The following PCSK5 variants were observed in gnomAD, a reference collection of about 807,000 sequenced individuals.
The protein encoded by PCSK5 is proprotein convertase subtilisin/kexin type 5.
In PCSK5, 129 loss-of-function variants were observed where a neutral mutation model predicts 233.2. The observed-to-expected ratio is 0.55, with a 90% CI of 0.48 to 0.64. PCSK5 has a LOEUF of 0.64. PCSK5 is among the 30% of genes least tolerant of loss of function. The probability of loss-of-function intolerance (pLI) is 0.00; values close to 1 mark genes in which losing one functional copy is unlikely to be tolerated. For missense variants in PCSK5, 2,076 were observed against 2,430.1 expected (o/e 0.85, Z 3.06); for synonymous variants, 825 against 879.2 (o/e 0.94, Z 1.09).
intron 37 of PCSK5, among the ~76,000 whole-genome samples, chr9:76,355,953 C>T (rs1474300012): frequency 6.6e-6 from 1 of 152,140 alleles, no homozygotes; most frequent in Admixed American, 6.5e-5. Context: ...ATCTGCCCAC[C>T]TCAACCTCCC....
intron 5 of PCSK5, among the ~76,000 whole-genome samples, chr9:76,055,751 A>G (rs575983263): frequency 6.6e-5 from 10 of 152,278 alleles, no homozygotes; most frequent in African/African-American, 2.4e-4. Flanking sequence ...AGAATGATAG[A>G]AAGTCATTAT....
chr9:75,965,261 A>ATATGTGTGTG (rs1167153572), intron 2 of PCSK5, among the ~76,000 whole-genome samples: 2 of 149,700 alleles, frequency 1.3e-5, no homozygotes, highest in African/African-American at 4.9e-5. Flanking sequence ...ATGTGTGTAT[A>ATATGTGTGTG]TGTGTGTGTG....
chr9:76,173,487 G>A (rs1823414318), intron 13 of PCSK5, among the ~76,000 whole-genome samples: 1 of 74,130 alleles, frequency 1.3e-5, no homozygotes, highest in Non-Finnish European at 3.0e-5. Flanking sequence ...TGAAATGGAG[G>A]CACGTTTCCT....
intron 21 of PCSK5, among the ~76,000 whole-genome samples, chr9:76,232,000 C>T (rs552913397): frequency 1.1e-4 from 16 of 152,306 alleles, no homozygotes; most frequent in Admixed American, 1.0e-3. Flanking sequence ...GCAAATGACA[C>T]AGACTTTCAG....
chr9:76,087,046 A>ATT (rs1347529521), intron 7 of PCSK5, among the ~76,000 whole-genome samples: 7 of 152,198 alleles, frequency 4.6e-5, no homozygotes, highest in Non-Finnish European at 7.3e-5. Flanking sequence ...TGTAAGACTG[A>ATT]TTTTCTTCTT....
At chr9:76,143,065 A>G (rs1054775498) in intron 10 of PCSK5, among the ~76,000 whole-genome samples, 9 of 152,222 alleles carry the variant, frequency 5.9e-5, no homozygotes, top group African/African-American at 2.2e-4. Flanking sequence ...AGCACAAATA[A>G]GTACAGTGAG....
intron 20 of PCSK5, among the ~76,000 whole-genome samples, chr9:76,226,067 T>C (rs1034829498): frequency 6.6e-6 from 1 of 152,114 alleles, no homozygotes; most frequent in African/African-American, 2.4e-5. Flanking sequence ...TTCTAAAAAT[T>C]GTATATAAGT....
chr9:76,035,924 A>C (rs1232560474), intron 5 of PCSK5, among the ~76,000 whole-genome samples: 1 of 152,156 alleles, frequency 6.6e-6, no homozygotes, highest in Non-Finnish European at 1.5e-5. Context: ...AAATCTCATC[A>C]GCCAGTGAAC....
chr9:76,319,130 A>C lies in PCSK5; in HGVS notation c.3885-2292A>C, dbSNP rs10441800. 5.5e-3 allele frequency among the ~76,000 whole-genome samples: 844 copies of C among 152,206 alleles called. 8 individuals are homozygous for C. Among genetic ancestry groups the C allele is most frequent in the African/African-American group, 0.019 (793 of 41,524 alleles). ...TGGCCAGGGCACAGCTTAGTTTTAT[A>C]CTTTTTAGGGAGACATGAGACATCA... On this transcript the variant is annotated intron_variant, in intron 30 of 37. Transcript: ENST00000674117.
chr9:76,048,692 A>G (rs560122021), intron 5 of PCSK5, among the ~76,000 whole-genome samples: 36 of 152,330 alleles, frequency 2.4e-4, no homozygotes, highest in Non-Finnish European at 4.0e-4. Flanking sequence ...CACGACTATT[A>G]GAGAGATCAA....
chr9:75,900,473 G>A (rs1455424350), intron 1 of PCSK5, among the ~76,000 whole-genome samples: 2 of 151,962 alleles, frequency 1.3e-5, no homozygotes, highest in Non-Finnish European at 2.9e-5. Flanking sequence ...GAGGCCAGGA[G>A]ATCAAGACCA....
At chr9:75,973,930 G>A (rs925555974) in intron 2 of PCSK5, among the ~76,000 whole-genome samples, 6 of 152,150 alleles carry the variant, frequency 3.9e-5, no homozygotes, top group Non-Finnish European at 7.3e-5. Context: ...TCATATTTCC[G>A]TGAACATTGA....
In PCSK5 at chr9:76,354,159, T is replaced by C. The variant is rs781310668; in HGVS notation, c.5194T>C (p.Cys1732Arg). Residue 1732 changes from cysteine (C) to arginine (R), a missense_variant, in exon 37 of 38, where the codon TGC becomes CGC. Physicochemically the swap from Cys to Arg is radical, Grantham distance 180 (BLOSUM62 -3). This residue lies in a region of PCSK5 where 1,510 missense variants were observed against 1,538.1 expected (regional missense o/e 0.98). Coordinates refer to ENST00000674117, the MANE Select transcript of PCSK5 (RefSeq NM_001372043.1). ...CATGGACGACAGCCACTGCCTCCACTGCTGCAACACCTCTGATCCCCCCAG... is the reference window on the plus strand; with the variant it reads ...CATGGACGACAGCCACTGCCTCCACCGCTGCAACACCTCTGATCCCCCCAG... ...LHMDDSHCLH[C>R]CNTSDPPSAQ... The C allele has an allele frequency of 6.3e-7, 1 of 1,593,790 alleles. No homozygotes were observed. Among genetic ancestry groups the C allele is most frequent in the Non-Finnish European group, 8.5e-7 (1 of 1,170,900 alleles).
At chr9:76,217,902 C>T (rs1432452888) in intron 20 of PCSK5, among the ~76,000 whole-genome samples, 1 of 152,152 alleles carries the variant, frequency 6.6e-6, no homozygotes, top group East Asian at 1.9e-4. Context: ...CCACATTCCC[C>T]ACCCCCATCC....
intron 24 of PCSK5, among the ~76,000 whole-genome samples, chr9:76,250,763 G>C (rs1163287872): frequency 6.6e-6 from 1 of 152,100 alleles, no homozygotes; most frequent in Non-Finnish European, 1.5e-5. Flanking sequence ...AAAAACTAAA[G>C]AAAGCTGAAT....
intron 21 of PCSK5, among the ~76,000 whole-genome samples, chr9:76,228,674 G>A (rs566202207): frequency 1.9e-4 from 29 of 152,140 alleles, no homozygotes; most frequent in Non-Finnish European, 3.8e-4. Context: ...ATATTTTTTG[G>A]CTACCGAGTA....
intron 20 of PCSK5, among the ~76,000 whole-genome samples, chr9:76,225,565 A>G (rs1250066377): frequency 6.6e-6 from 1 of 152,158 alleles, no homozygotes; most frequent in Admixed American, 6.5e-5. Flanking sequence ...TGGTACCTGG[A>G]CTGATAATCA....
At chr9:76,096,938 AT>A (rs113905526) in intron 8 of PCSK5, among the ~76,000 whole-genome samples, 4,213 of 135,192 alleles carry the variant, frequency 0.031, 156 homozygotes, top group African/African-American at 0.093. Context: ...TTTATTTTTT[AT>A]TTTTTTTTTT....
In PCSK5 at chr9:76,239,174, G is replaced by C; in HGVS notation, c.3073+9G>C. ...GTTAGAGTGTGGACAAGGTAAGCCTGCTCCTGGGCCCTTGCCCAGCACCCG... is the reference window on the plus strand; with the variant it reads ...GTTAGAGTGTGGACAAGGTAAGCCTCCTCCTGGGCCCTTGCCCAGCACCCG... On this transcript the variant is annotated intron_variant, in intron 23 of 37. Coordinates refer to ENST00000674117, the MANE Select transcript of PCSK5 (RefSeq NM_001372043.1). 1 of 1,563,880 alleles carries C rather than the reference G, an allele frequency of 6.4e-7. No homozygotes were observed. The highest frequency in any genetic ancestry group is 2.4e-5 in the East Asian group (1 of 42,092).
Sources: allele counts gnomAD v4.1 joint callset (sites outside exome capture counted in the v4.1 genomes callset), GRCh38; gene constraint gnomAD v4.1.1; regional missense constraint gnomAD v4.1.1; transcripts MANE v1.5; gene names NCBI Gene and HGNC (gene_info 2026-07-23, HGNC 2026-07-21).